DGKB: variants seen among roughly 807,000 people sequenced by gnomAD.
The protein encoded by DGKB is diacylglycerol kinase beta.
Under a neutral mutation model 114.3 loss-of-function variants are expected in DGKB, and 67 were observed. The observed-to-expected ratio is 0.59, with a 90% CI of 0.48 to 0.72. The LOEUF is 0.72. Among genes scored for constraint, DGKB ranks in the 30% least tolerant of loss-of-function variants. The pLI is 0.00. For missense variants in DGKB, 907 were observed against 975.2 expected (o/e 0.93, Z 0.93); for synonymous variants, 398 against 323.1 (o/e 1.23, Z -2.49).
chr7:14,437,345 T>C (rs1829427173), intron 21 of DGKB, among the ~76,000 whole-genome samples: 1 of 152,122 alleles, frequency 6.6e-6, no homozygotes, highest in African/African-American at 2.4e-5. Context: ...TTAAATCTCT[T>C]TGATAATTCT....
At chr7:14,459,064 C>G (rs754334517) in intron 21 of DGKB, among the ~76,000 whole-genome samples, 1 of 152,204 alleles carries the variant, frequency 6.6e-6, no homozygotes, top group Non-Finnish European at 1.5e-5. Context: ...GTTTTACCCT[C>G]ACAGTGTAAA....
intron 5 of DGKB, among the ~76,000 whole-genome samples, chr7:14,721,211 T>C (rs955702994): frequency 6.6e-6 from 1 of 152,240 alleles, no homozygotes; most frequent in African/African-American, 2.4e-5. Flanking sequence ...TCTTCACTTA[T>C]TTAGAACATG....
chr7:14,320,182 G>T (rs1010942428), intron 23 of DGKB, among the ~76,000 whole-genome samples: 2 of 152,108 alleles, frequency 1.3e-5, no homozygotes, highest in Admixed American at 1.3e-4. Context: ...GCAGTGGTGG[G>T]AACAACAGAC....
intron 1 of DGKB, among the ~76,000 whole-genome samples, chr7:14,936,656 C>A (rs994876618): frequency 6.6e-6 from 1 of 152,048 alleles, no homozygotes; most frequent in African/African-American, 2.4e-5. Context: ...ACAGGGCAGG[C>A]CTGTTTGCGG....
chr7:14,826,807 A>T (rs1312009909), intron 2 of DGKB, among the ~76,000 whole-genome samples: 1 of 152,168 alleles, frequency 6.6e-6, no homozygotes, highest in African/African-American at 2.4e-5. Flanking sequence ...GCATAATGTG[A>T]CCTATAATAA....
chr7:14,538,004 T>C (rs1287716219), intron 20 of DGKB, among the ~76,000 whole-genome samples: 1 of 140,174 alleles, frequency 7.1e-6, no homozygotes, highest in African/African-American at 2.7e-5. Context: ...CCCTTGAACC[T>C]AGAAGGCGGA....
At chr7:14,551,938 T>C (rs1035541030) in intron 20 of DGKB, among the ~76,000 whole-genome samples, 1 of 152,160 alleles carries the variant, frequency 6.6e-6, no homozygotes, top group Non-Finnish European at 1.5e-5. Context: ...ATAATACAGA[T>C]GTTTGTGGAT....
At position 14,776,091 on chromosome 7, in the gene DGKB, T is replaced by C. The variant is rs550989600; in HGVS notation, c.71-18360A>G. Among the ~76,000 whole-genome samples, 166 of 152,188 alleles carry C rather than the reference T, an allele frequency of 1.1e-3. 1 individual carries two copies. The South Asian group carries it at 0.033, about 30-fold the overall frequency. ...GAACTGTTGGGAACTGGAGCAAAGA[T>C]TACTCTTGCTAGCCAAAGAGACTGG... On this transcript the variant is annotated intron_variant, in intron 2 of 25. Transcript: ENST00000402815.
intron 1 of DGKB, among the ~76,000 whole-genome samples, chr7:14,895,572 C>A (rs1445382490): frequency 6.6e-6 from 1 of 151,598 alleles, no homozygotes; most frequent in East Asian, 1.9e-4. Context: ...TTGTTTAGGT[C>A]TGTTCATATC....
intron 16 of DGKB, 34 bp downstream of exon 16, chr7:14,613,306 T>C (rs890097088): frequency 8.2e-6 from 11 of 1,337,740 alleles, no homozygotes; most frequent in Non-Finnish European, 1.1e-5. Flanking sequence ...TACATATACA[T>C]GACATAGACA....
intron 2 of DGKB, among the ~76,000 whole-genome samples, chr7:14,783,217 T>C (rs1839381784): frequency 6.6e-6 from 1 of 152,196 alleles, no homozygotes; most frequent in Admixed American, 6.5e-5. Flanking sequence ...ATTGTCAACC[T>C]GATCAAATTA....
chr7:14,208,460 AACTTCT>A (rs1233680660), intron 23 of DGKB, among the ~76,000 whole-genome samples: 1 of 152,020 alleles, frequency 6.6e-6, no homozygotes, highest in African/African-American at 2.4e-5. Flanking sequence ...ATGGGGGTTC[AACTTCT>A]ACTTCAAACA....
chr7:14,672,779 G>A, intron 13 of DGKB, 150 bp downstream of exon 13: 1 of 458,222 alleles, frequency 2.2e-6, no homozygotes, highest in Non-Finnish European at 4.0e-6. Context: ...AGTGGACAAA[G>A]GTGTTCTGTT....
intron 23 of DGKB, among the ~76,000 whole-genome samples, chr7:14,309,607 C>G (rs1181132263): frequency 6.6e-6 from 1 of 152,182 alleles, no homozygotes; most frequent in South Asian, 2.1e-4. Flanking sequence ...TTTCTCTGGG[C>G]CTGCAGAAGT....
At chr7:14,958,088 C>G (rs1448150688) in intron 1 of DGKB, among the ~76,000 whole-genome samples, 1 of 151,894 alleles carries the variant, frequency 6.6e-6, no homozygotes, top group Non-Finnish European at 1.5e-5. Flanking sequence ...TATACAAATT[C>G]TAGATTGTTC....
chr7:14,737,229 G>A (rs966367899), intron 4 of DGKB, among the ~76,000 whole-genome samples: 11 of 149,368 alleles, frequency 7.4e-5, no homozygotes, highest in Middle Eastern at 3.2e-3. Flanking sequence ...AGCCACATAT[G>A]TCCAGATCAA....
intron 1 of DGKB, among the ~76,000 whole-genome samples, chr7:14,896,417 A>C (rs1782110041): frequency 1.3e-5 from 2 of 151,650 alleles, no homozygotes; most frequent in Non-Finnish European, 3.0e-5. Flanking sequence ...ACGGTAAGTA[A>C]TGAAATCTTA....
At position 14,414,576 on chromosome 7, in the gene DGKB, A is replaced by G. The variant is rs375334160; in HGVS notation, c.1835+63585T>C. Among the ~76,000 whole-genome samples the G allele has an allele frequency of 3.9e-5, 6 of 152,120 alleles. No individual in the cohort carries two copies. The South Asian group carries it at 6.2e-4, about 16-fold the overall frequency. On this transcript the variant is annotated intron_variant, in intron 21 of 25. Coordinates refer to ENST00000402815, the MANE Select transcript of DGKB (RefSeq NM_001350709.2). ...CTGTGTATTTAAAGAGTTTCCCTACATTTTCTGTAAGTTTCTTACAACATT... is the reference window on the plus strand; with the variant it reads ...CTGTGTATTTAAAGAGTTTCCCTACGTTTTCTGTAAGTTTCTTACAACATT...
intron 21 of DGKB, among the ~76,000 whole-genome samples, chr7:14,466,011 G>A (rs77045977): frequency 6.6e-6 from 1 of 152,142 alleles, no homozygotes; most frequent in African/African-American, 2.4e-5. Context: ...CCTAAGAACA[G>A]AAATGAGCCA....
Sources: allele counts gnomAD v4.1 joint callset (sites outside exome capture counted in the v4.1 genomes callset), GRCh38; gene constraint gnomAD v4.1.1; transcripts MANE v1.5; gene names NCBI Gene and HGNC (gene_info 2026-07-23, HGNC 2026-07-21).